SCAPER: variants seen among roughly 807,000 people sequenced by gnomAD.
SCAPER encodes S-phase cyclin A associated protein in the ER, also known as S phase cyclin A-associated protein in the endoplasmic reticulum.
SCAPER carries 98 observed loss-of-function variants against 182.2 expected under a neutral mutation model. The observed-to-expected ratio is 0.54, with a 90% CI of 0.46 to 0.64. The LOEUF is 0.64. Ranked by LOEUF, SCAPER falls within the 30% of genes least tolerant of loss-of-function variation. SCAPER has a pLI of 0.00. For synonymous variants in SCAPER, 605 were observed against 564.6 expected, an observed-to-expected ratio of 1.07 and a Z score of -1.01; for missense variants, 1,432 against 1,690.0, an observed-to-expected ratio of 0.85 and a Z score of 2.68.
intron 2 of SCAPER, among the ~76,000 whole-genome samples, chr15:76,871,818 T>C (rs1595858939): frequency 6.6e-6 from 1 of 152,040 alleles, no homozygotes; most frequent in South Asian, 2.1e-4. Flanking sequence ...CTCAAACTCC[T>C]GACCTCAAGT....
intron 25 of SCAPER, among the ~76,000 whole-genome samples, chr15:76,440,587 A>G (rs2047496548): frequency 8.5e-5 from 13 of 152,220 alleles, no homozygotes; most frequent in Admixed American, 7.9e-4. Flanking sequence ...GAGAATCAAT[A>G]AGAGATTGTT....
chr15:76,541,059 G>A (rs953940978), intron 23 of SCAPER, among the ~76,000 whole-genome samples: 5 of 151,950 alleles, frequency 3.3e-5, no homozygotes, highest in African/African-American at 9.7e-5. Flanking sequence ...GGCGGAGGTT[G>A]CAGTGAGCCG....
At chr15:76,443,831 T>C (rs990705780) in intron 25 of SCAPER, among the ~76,000 whole-genome samples, 2 of 152,156 alleles carry the variant, frequency 1.3e-5, no homozygotes, top group Non-Finnish European at 2.9e-5. Flanking sequence ...AGAACTGCAA[T>C]AGGACATGGC....
chr15:76,472,398 C>A (rs534727932), intron 24 of SCAPER: 19 of 686,370 alleles, frequency 2.8e-5, no homozygotes, highest in South Asian at 2.6e-4. Flanking sequence ...CTGTGTACTT[C>A]TGGTGACTGT....
At chr15:76,720,102 C>A (rs1208716110) in intron 17 of SCAPER, among the ~76,000 whole-genome samples, 2 of 144,534 alleles carry the variant, frequency 1.4e-5, no homozygotes, top group Non-Finnish European at 3.0e-5. Flanking sequence ...ACAACAGTCC[C>A]CAGTGTGTGA....
At chr15:76,471,839 C>T (rs775776537) in intron 24 of SCAPER, among the ~76,000 whole-genome samples, 6 of 152,166 alleles carry the variant, frequency 3.9e-5, no homozygotes, top group African/African-American at 9.6e-5. Context: ...TGCTTGGAGG[C>T]GGGGCATGGA....
At chr15:76,827,005 T>C (rs1279284280) in intron 5 of SCAPER, among the ~76,000 whole-genome samples, 2 of 152,220 alleles carry the variant, frequency 1.3e-5, no homozygotes, top group Non-Finnish European at 2.9e-5. Flanking sequence ...ATCACATACA[T>C]GATTTTCATT....
intron 3 of SCAPER, chr15:76,861,780 T>A (rs1361793166): frequency 6.6e-6 from 1 of 152,230 alleles, no homozygotes; most frequent in African/African-American, 2.4e-5. Context: ...TCCATTTTCA[T>A]ACTGCTTATA....
At chr15:76,490,106 C>T (rs2052138197) in intron 24 of SCAPER, among the ~76,000 whole-genome samples, 2 of 152,250 alleles carry the variant, frequency 1.3e-5, no homozygotes, top group South Asian at 2.1e-4. Flanking sequence ...GAAATAAATA[C>T]AGAAGTGGTA....
chr15:76,475,153 C>T (rs2143006794), intron 24 of SCAPER, among the ~76,000 whole-genome samples: 1 of 152,036 alleles, frequency 6.6e-6, no homozygotes, highest in South Asian at 2.1e-4. Flanking sequence ...GAAAGAGAAC[C>T]ACAAAGAAAT....
Position 76,349,003 on chromosome 15 carries a change from G to A in SCAPER, c.4100-267C>T, listed in dbSNP as rs187664746. The A allele has an allele frequency of 1.3e-5, 3 of 230,594 alleles. No individual in the cohort carries two copies. The East Asian group carries it at 2.7e-4, about 21-fold the overall frequency. 14.3% of individuals were successfully genotyped at this position (230,594 alleles called of 1,614,324 possible). A position where few individuals can be genotyped will look rare whatever the true frequency, so the allele number is the denominator to read the frequency against. ...ACCCCTATATAAATTACAAAAAGATGTTTTTGGACTCCACAATGAGAAAAA... is the reference window on the plus strand; with the variant it reads ...ACCCCTATATAAATTACAAAAAGATATTTTTGGACTCCACAATGAGAAAAA... On this transcript the variant is annotated intron_variant, in intron 31 of 31. Coordinates refer to ENST00000563290, the MANE Select transcript of SCAPER (RefSeq NM_020843.4).
chr15:76,693,031 G>A (rs1468403454), intron 20 of SCAPER, among the ~76,000 whole-genome samples: 2 of 152,034 alleles, frequency 1.3e-5, no homozygotes, highest in African/African-American at 4.8e-5. Flanking sequence ...TTCCCAGTAT[G>A]ATAGATTTAT....
chr15:76,617,558 TC>T (rs1391456104), intron 22 of SCAPER, among the ~76,000 whole-genome samples: 2 of 152,182 alleles, frequency 1.3e-5, no homozygotes, highest in Admixed American at 1.3e-4. Flanking sequence ...ATGGCCTTAA[TC>T]CCTTGCCTAG....
rs756373850 is a variant in SCAPER at position 76,471,223 on chromosome 15, G to A, written c.3067C>T (p.His1023Tyr). The A allele has an allele frequency of 6.2e-7, 1 of 1,608,284 alleles. No individual in the cohort carries two copies. Among genetic ancestry groups the A allele is most frequent in the Non-Finnish European group, 8.5e-7 (1 of 1,177,594 alleles). ...KITFLMDLLIHQLTVYVPDEN... is the reference protein window; with the variant it reads ...KITFLMDLLIYQLTVYVPDEN... ...ATAATATTACATACCGTCAACTGGT[G>A]TATCAGGAGGTCCATTAAGAAGGTA... is the stretch of plus-strand genomic sequence containing the variant. The change falls in exon 25 of 32, where the codon CAC becomes TAC. Residue 1023 changes from histidine to tyrosine, a missense_variant. Physicochemically the swap from His to Tyr is moderately conservative, Grantham distance 83. Around this residue, in one of 5 missense-constraint regions of SCAPER, gnomAD observed 718 missense variants for 799.7 expected, o/e 0.90. Transcript: ENST00000563290.
At chr15:76,488,870 G>A (rs966971707) in intron 24 of SCAPER, among the ~76,000 whole-genome samples, 1 of 150,922 alleles carries the variant, frequency 6.6e-6, no homozygotes, top group Non-Finnish European at 1.5e-5. Flanking sequence ...CTACAAGCGC[G>A]CATGACCACA....
chr15:76,682,539 G>A (rs749167418), intron 20 of SCAPER, among the ~76,000 whole-genome samples: 7 of 151,818 alleles, frequency 4.6e-5, no homozygotes, highest in Admixed American at 3.3e-4. Flanking sequence ...CCACTGCTAC[G>A]CCACCATAGC....
chr15:76,787,359 T>C (rs2064685945), intron 8 of SCAPER, among the ~76,000 whole-genome samples: 1 of 152,116 alleles, frequency 6.6e-6, no homozygotes, highest in South Asian at 2.1e-4. Flanking sequence ...GCAAATGCAA[T>C]TCAACAGAGA....
At chr15:76,866,155 A>G (rs1439189686) in intron 2 of SCAPER, among the ~76,000 whole-genome samples, 1 of 152,198 alleles carries the variant, frequency 6.6e-6, no homozygotes, top group Non-Finnish European at 1.5e-5. Flanking sequence ...ATGAACAAGT[A>G]TAAATAGATG....
intron 29 of SCAPER, among the ~76,000 whole-genome samples, chr15:76,373,299 C>T (rs1284482736): frequency 1.3e-5 from 2 of 152,124 alleles, no homozygotes; most frequent in Non-Finnish European, 2.9e-5. Context: ...CCACTCGTCT[C>T]GGCCTCCCAA....
Sources: allele counts gnomAD v4.1 joint callset (sites outside exome capture counted in the v4.1 genomes callset), GRCh38; gene constraint gnomAD v4.1.1; regional missense constraint gnomAD v4.1.1; transcripts MANE v1.5; gene names NCBI Gene and HGNC (gene_info 2026-07-23, HGNC 2026-07-21).